The following ATF1 variants were observed in gnomAD, a reference collection of about 807,000 sequenced individuals.
ATF1 encodes the protein activating transcription factor 1.
ATF1 carries 16 observed loss-of-function variants against 34.7 expected under a neutral mutation model. The ratio of observed to expected loss-of-function variants is 0.46; its 90% CI spans 0.31 to 0.70. The LOEUF is 0.70. ATF1 is among the 30% of genes least tolerant of loss of function. The pLI, the probability that ATF1 is intolerant of heterozygous loss-of-function variation, is 0.05. For synonymous variants in ATF1, 105 were observed against 113.1 expected, an observed-to-expected ratio of 0.93 and a Z score of 0.46; for missense variants, 255 against 321.6, an observed-to-expected ratio of 0.79 and a Z score of 1.58.
At chr12:50,765,983 A>G (rs1940624544) in intron 1 of ATF1, among the ~76,000 whole-genome samples, 1 of 152,092 alleles carries the variant, frequency 6.6e-6, no homozygotes, top group Non-Finnish European at 1.5e-5. Context: ...CTTTCTTCAT[A>G]ATGTTACTTT....
intron 3 of ATF1, among the ~76,000 whole-genome samples, chr12:50,802,536 C>T (rs531097057): frequency 7.4e-4 from 113 of 151,892 alleles, no homozygotes; most frequent in African/African-American, 2.7e-3. Context: ...AAAAAGAATA[C>T]ATATACTGGA....
chr12:50,808,573 G>A (rs902731366), intron 3 of ATF1, among the ~76,000 whole-genome samples: 3 of 151,550 alleles, frequency 2.0e-5, no homozygotes, highest in Non-Finnish European at 2.9e-5. Context: ...CAAGTCATTC[G>A]CCCACCTCAG....
intron 4 of ATF1, among the ~76,000 whole-genome samples, chr12:50,812,429 T>A (rs1192230749): frequency 6.6e-6 from 1 of 152,156 alleles, no homozygotes; most frequent in African/African-American, 2.4e-5. Flanking sequence ...TAATGGGACC[T>A]TTAATTTTAT....
chr12:50,808,127 C>T (rs1941655521), intron 3 of ATF1, among the ~76,000 whole-genome samples: 1 of 152,112 alleles, frequency 6.6e-6, no homozygotes, highest in Non-Finnish European at 1.5e-5. Context: ...TCTTGAAAGA[C>T]CTTTCTTTTC....
chr12:50,809,520 G>T lies in ATF1; in HGVS notation c.259G>T (p.Gly87Ter). The change falls in exon 4 of 7, where the codon GGA becomes TGA. Residue 87 changes from glycine (G) to a stop codon, truncating the protein, a stop_gained. Transcript: ENST00000262053. LOFTEE classifies it high-confidence loss of function. ...RGRKGDGENS[G>*]VSAAVTSMSV... The stretch of plus-strand genomic sequence containing the variant: ...CAGAAAAGGAGACGGAGAAAATTCT[G>T]GAGTTTCTGCTGCTGTCACTTCTAT... 1 of 1,613,692 alleles carries T rather than the reference G, an allele frequency of 6.2e-7. No individual in the cohort carries two copies. The highest frequency in any genetic ancestry group is 1.3e-5 in the African/African-American group (1 of 75,004).
At chr12:50,801,915 G>A (rs148351572) in intron 3 of ATF1, among the ~76,000 whole-genome samples, 1 of 152,020 alleles carries the variant, frequency 6.6e-6, no homozygotes, top group Non-Finnish European at 1.5e-5. Flanking sequence ...TTGCACTCAG[G>A]GAATTAGTCA....
chr12:50,789,950 AT>A (rs745848597), intron 2 of ATF1, among the ~76,000 whole-genome samples: 4 of 152,206 alleles, frequency 2.6e-5, no homozygotes, highest in African/African-American at 7.2e-5. Context: ...CACTAGCTAA[AT>A]CAAAATCTGG....
intron 4 of ATF1, 55 bp downstream of exon 4, chr12:50,809,644 TAGAA>T: frequency 6.6e-7 from 1 of 1,509,006 alleles, no homozygotes; most frequent in Non-Finnish European, 9.0e-7. Flanking sequence ...GACTTTTCTG[TAGAA>T]AGAAATGGTG....
intron 1 of ATF1, among the ~76,000 whole-genome samples, chr12:50,778,599 T>G (rs902142676): frequency 6.8e-6 from 1 of 147,976 alleles, no homozygotes; most frequent in Non-Finnish European, 1.5e-5. Context: ...TCCAGAACTT[T>G]TTTTTTTTTT....
chr12:50,788,604 T>C (rs752890199), intron 2 of ATF1, among the ~76,000 whole-genome samples: 15 of 152,132 alleles, frequency 9.9e-5, no homozygotes, highest in Non-Finnish European at 2.2e-4. Context: ...TGCCTTTGCC[T>C]CCTGAGTAGC....
chr12:50,802,871 C>CAAAAAAAA (rs71443203), intron 3 of ATF1, among the ~76,000 whole-genome samples: 5 of 46,886 alleles, frequency 1.1e-4, no homozygotes, highest in Non-Finnish European at 1.3e-4. Flanking sequence ...GACTCCATCT[C>CAAAAAAAA]AAAAAAAAAA....
At chr12:50,809,636 CT>C (rs1941693783) in intron 4 of ATF1, 47 bp downstream of exon 4, 3 of 1,531,150 alleles carry the variant, frequency 2.0e-6, no homozygotes, top group Non-Finnish European at 2.7e-6. Context: ...CAAAACCTGA[CT>C]TTTCTGTAGA....
At position 50,809,182 on chromosome 12, in the gene ATF1, T is replaced by C. The variant is rs559577010; in HGVS notation, c.195-274T>C. 8.1e-3 allele frequency among the ~76,000 whole-genome samples: 1,238 copies of C among 152,128 alleles called. 22 individuals carry two copies. Among genetic ancestry groups the C allele is most frequent in the African/African-American group, 0.028 (1,172 of 41,524 alleles). The stretch of plus-strand genomic sequence containing the variant: ...TGAAGCCAGGAGATCAAGACCAGCC[T>C]GGCCAACATGGTGAAACCCCGTGTC... On this transcript the variant is annotated intron_variant, in intron 3 of 6. Coordinates refer to ENST00000262053, the MANE Select transcript of ATF1 (RefSeq NM_005171.5).
Position 50,820,691 on chromosome 12 carries a change from T to C in ATF1, c.*912T>C, listed in dbSNP as rs1436135965. ...TTTTCCAAGAAGATTTTATAATCAATTTAATAATGTAAGGTTTATCAGATT... is the reference window on the plus strand; with the variant it reads ...TTTTCCAAGAAGATTTTATAATCAACTTAATAATGTAAGGTTTATCAGATT... On this transcript the variant is annotated 3_prime_UTR_variant, in exon 7 of 7. Coordinates refer to ENST00000262053, the MANE Select transcript of ATF1 (RefSeq NM_005171.5). 1 of 178,446 alleles carries C rather than the reference T, an allele frequency of 5.6e-6. No homozygotes were observed. The highest frequency in any genetic ancestry group is 2.4e-5 in the African/African-American group (1 of 42,370). The allele number at this position is 178,446 out of a possible 1,614,324, so 11.1% of individuals were successfully genotyped here.
intron 3 of ATF1, among the ~76,000 whole-genome samples, chr12:50,806,716 C>G (rs926767074): frequency 6.6e-6 from 1 of 151,970 alleles, no homozygotes; most frequent in African/African-American, 2.4e-5. Flanking sequence ...AAAGACCATG[C>G]AGGCAGTTTG....
intron 1 of ATF1, among the ~76,000 whole-genome samples, chr12:50,769,898 T>C (rs1419556630): frequency 6.6e-6 from 1 of 152,188 alleles, no homozygotes; most frequent in Non-Finnish European, 1.5e-5. Context: ...GAAACAACTT[T>C]CAGAACTCAT....
At chr12:50,807,683 A>G (rs1021647686) in intron 3 of ATF1, among the ~76,000 whole-genome samples, 19 of 151,636 alleles carry the variant, frequency 1.3e-4, no homozygotes, top group African/African-American at 4.4e-4. Context: ...TCACGTAAGT[A>G]TTTCAGTTTT....
Position 50,819,625 on chromosome 12 carries a change from T to G in ATF1, c.672-10T>G. The stretch of plus-strand genomic sequence containing the variant: ...TTTTCTAACATTGTTTTTTTAATGC[T>G]CATATTTAGAGAAGCTGCTCGAGAA... On this transcript the variant is annotated splice_polypyrimidine_tract_variant and intron_variant, in intron 6 of 6. Transcript: ENST00000262053. 1 of 1,608,738 alleles carries G rather than the reference T, an allele frequency of 6.2e-7. No individual in the cohort carries two copies. The highest frequency in any genetic ancestry group is 8.5e-7 in the Non-Finnish European group (1 of 1,178,704).
chr12:50,801,837 C>T (rs1262821950), intron 3 of ATF1, among the ~76,000 whole-genome samples: 2 of 152,118 alleles, frequency 1.3e-5, no homozygotes, highest in Non-Finnish European at 2.9e-5. Flanking sequence ...AAAGGGTCTA[C>T]GAAAAACCCA....
Sources: allele counts gnomAD v4.1 joint callset (sites outside exome capture counted in the v4.1 genomes callset), GRCh38; gene constraint gnomAD v4.1.1; transcripts MANE v1.5; gene names NCBI Gene and HGNC (gene_info 2026-07-23, HGNC 2026-07-21).